MYRIP: variants seen among roughly 807,000 people sequenced by gnomAD.
MYRIP encodes myosin VIIA and Rab interacting protein.
In MYRIP, 49 loss-of-function variants were observed where a neutral mutation model predicts 98.0. The observed-to-expected ratio is 0.50, with a 90% CI of 0.40 to 0.63. The LOEUF (loss-of-function observed/expected upper bound fraction) is 0.63. Among genes scored for constraint, MYRIP ranks in the 30% least tolerant of loss-of-function variants. MYRIP has a pLI of 0.00. For synonymous variants in MYRIP, 404 were observed against 409.5 expected, an observed-to-expected ratio of 0.99 and a Z score of 0.16; for missense variants, 1,004 against 1,058.2, an observed-to-expected ratio of 0.95 and a Z score of 0.71.
chr3:40,253,257 G>A (rs1356463992), intron 16 of MYRIP, among the ~76,000 whole-genome samples: 2 of 152,172 alleles, frequency 1.3e-5, no homozygotes, highest in Non-Finnish European at 2.9e-5. Context: ...AGCATTACCA[G>A]TATTAGAGTC....
intron 1 of MYRIP, among the ~76,000 whole-genome samples, chr3:39,811,552 C>G (rs1033321253): frequency 6.6e-6 from 1 of 152,078 alleles, no homozygotes; most frequent in African/African-American, 2.4e-5. Flanking sequence ...CGTTCCTTTG[C>G]CTGGCCATGG....
intron 1 of MYRIP, among the ~76,000 whole-genome samples, chr3:39,888,880 A>T (rs1943395852): frequency 6.6e-6 from 1 of 152,224 alleles, no homozygotes; most frequent in Non-Finnish European, 1.5e-5. Flanking sequence ...ATATGAACAG[A>T]CACTTCTCAA....
intron 1 of MYRIP, among the ~76,000 whole-genome samples, chr3:39,820,983 A>T (rs937061408): frequency 6.6e-6 from 1 of 152,128 alleles, no homozygotes; most frequent in African/African-American, 2.4e-5. Context: ...CTGATGGTGG[A>T]TGGGGATGCA....
At chr3:40,151,458 G>C (rs1452630152) in intron 4 of MYRIP, among the ~76,000 whole-genome samples, 1 of 152,190 alleles carries the variant, frequency 6.6e-6, no homozygotes, top group Non-Finnish European at 1.5e-5. Context: ...TTTAATCTCA[G>C]ATCAAAAATT....
intron 1 of MYRIP, among the ~76,000 whole-genome samples, chr3:39,893,566 T>A (rs1414878873): frequency 6.6e-6 from 1 of 152,050 alleles, no homozygotes; most frequent in African/African-American, 2.4e-5. Flanking sequence ...CCATGTTCAT[T>A]GTGAGAAAAT....
chr3:40,106,281 C>T (rs1272654350), intron 3 of MYRIP, among the ~76,000 whole-genome samples: 1 of 151,864 alleles, frequency 6.6e-6, no homozygotes, highest in Non-Finnish European at 1.5e-5. Context: ...GCAGGAAACT[C>T]AACAGCGTAA....
chr3:40,128,530 G>T (rs1949568473), intron 3 of MYRIP, among the ~76,000 whole-genome samples: 2 of 152,180 alleles, frequency 1.3e-5, no homozygotes, highest in Admixed American at 6.5e-5. Flanking sequence ...TCAATCCCCT[G>T]TATTGCATGT....
intron 3 of MYRIP, among the ~76,000 whole-genome samples, chr3:40,078,507 G>T (rs990128575): frequency 6.6e-6 from 1 of 152,236 alleles, no homozygotes; most frequent in African/African-American, 2.4e-5. Flanking sequence ...TCTCATTTCA[G>T]TTAGAGGATA....
chr3:39,882,908 T>C (rs188960765), intron 1 of MYRIP, among the ~76,000 whole-genome samples: 8 of 152,014 alleles, frequency 5.3e-5, no homozygotes, highest in Non-Finnish European at 1.2e-4. Context: ...TAATGGCAGA[T>C]CAGACAATTG....
At chr3:39,877,275 C>T (rs933336052) in intron 1 of MYRIP, among the ~76,000 whole-genome samples, 16 of 152,042 alleles carry the variant, frequency 1.1e-4, no homozygotes, top group African/African-American at 3.9e-4. Context: ...AACTTGTTTG[C>T]CTTTGGTTTG....
intron 3 of MYRIP, among the ~76,000 whole-genome samples, chr3:40,076,730 G>A (rs1291489000): frequency 6.6e-6 from 1 of 152,124 alleles, no homozygotes; most frequent in Non-Finnish European, 1.5e-5. Context: ...GCAGCCACAT[G>A]GCTAAAATTC....
At chr3:40,241,474 C>T (rs1953012716) in intron 12 of MYRIP, among the ~76,000 whole-genome samples, 1 of 152,208 alleles carries the variant, frequency 6.6e-6, no homozygotes, top group Non-Finnish European at 1.5e-5. Context: ...AAGTATAATT[C>T]ATGGAAGCCA....
chr3:39,896,100 A>C (rs1241989790), intron 1 of MYRIP, among the ~76,000 whole-genome samples: 1 of 152,104 alleles, frequency 6.6e-6, no homozygotes, highest in Non-Finnish European at 1.5e-5. Flanking sequence ...TAAAGTGATA[A>C]ATGGAAACAA....
intron 12 of MYRIP, 58 bp from the exon 13 acceptor site, chr3:40,244,388 A>AC (rs1341181453): frequency 1.5e-5 from 23 of 1,498,608 alleles, no homozygotes; most frequent in Admixed American, 2.1e-5. Context: ...CCCTCAAGGG[A>AC]CCCCCAACCA....
At chr3:40,048,041 C>A (rs1947706985) in intron 3 of MYRIP, among the ~76,000 whole-genome samples, 11 of 152,154 alleles carry the variant, frequency 7.2e-5, no homozygotes, top group Admixed American at 7.2e-4. Flanking sequence ...ATCTGAAACT[C>A]CCTTCTTGGT....
intron 2 of MYRIP, among the ~76,000 whole-genome samples, chr3:39,917,411 T>C (rs2125686705): frequency 7.0e-6 from 1 of 142,680 alleles, no homozygotes; most frequent in South Asian, 2.5e-4. Context: ...TCAAAACTAC[T>C]GGGTTTATCT....
intron 8 of MYRIP, among the ~76,000 whole-genome samples, chr3:40,176,182 C>T (rs1372395439): frequency 6.6e-6 from 1 of 152,210 alleles, no homozygotes; most frequent in East Asian, 1.9e-4. Context: ...CAGTGATCTC[C>T]AAGGTCCCTT....
intron 1 of MYRIP, among the ~76,000 whole-genome samples, chr3:39,892,460 T>C (rs995965169): frequency 3.3e-5 from 5 of 152,182 alleles, no homozygotes; most frequent in African/African-American, 9.7e-5. Context: ...GTGGACTAAG[T>C]TGGGGACTGA....
At chr3:39,989,808 T>G (rs1366925349) in intron 2 of MYRIP, among the ~76,000 whole-genome samples, 1 of 152,254 alleles carries the variant, frequency 6.6e-6, no homozygotes, top group South Asian at 2.1e-4. Context: ...ACAGCCATTG[T>G]GTTGGACTGT....
Sources: gnomAD v4.1 joint callset for allele counts (sites outside exome capture counted in the v4.1 genomes callset) on GRCh38, gnomAD v4.1.1 for gene constraint, MANE v1.5 for transcripts, NCBI Gene and HGNC (gene_info 2026-07-23, HGNC 2026-07-21) for gene names.